RDX: variants seen among roughly 807,000 people sequenced by gnomAD.
RDX encodes deafness, autosomal recessive 24.
Under a neutral mutation model 83.7 loss-of-function variants are expected in RDX, and 32 were observed. That is an observed-to-expected ratio of 0.38 (90% CI 0.29 to 0.51). The LOEUF (loss-of-function observed/expected upper bound fraction) is 0.51. RDX is among the 20% of genes least tolerant of loss of function. The pLI is 0.87. For missense variants in RDX, 600 were observed against 689.9 expected, an observed-to-expected ratio of 0.87 and a Z score of 1.46; for synonymous variants, 229 against 222.7, an observed-to-expected ratio of 1.03 and a Z score of -0.25.
At chr11:110,203,753 CGGTT>C (rs968190942) in intron 14 of RDX, among the ~76,000 whole-genome samples, 6 of 152,020 alleles carry the variant, frequency 3.9e-5, no homozygotes, top group Non-Finnish European at 8.8e-5. Context: ...TACACACACA[CGGTT>C]GGTTACCTCA....
intron 15 of RDX, among the ~76,000 whole-genome samples, chr11:110,182,476 C>A (rs1381869647): frequency 1.3e-5 from 2 of 152,134 alleles, no homozygotes; most frequent in African/African-American, 4.8e-5. Context: ...TGGCACACAC[C>A]TGTAGTCCCA....
intron 15 of RDX, among the ~76,000 whole-genome samples, chr11:110,198,081 A>G (rs917969964): frequency 6.6e-6 from 1 of 152,210 alleles, no homozygotes; most frequent in African/African-American, 2.4e-5. Context: ...TGTCACATAA[A>G]TAAGTCTAAA....
intron 10 of RDX, among the ~76,000 whole-genome samples, chr11:110,240,627 C>T (rs1466845324): frequency 3.6e-4 from 55 of 151,548 alleles, no homozygotes; most frequent in African/African-American, 1.2e-3. Context: ...CGCCTGTAGT[C>T]CCAGCTACTC....
chr11:110,273,552 G>A (rs1860387576), intron 2 of RDX, among the ~76,000 whole-genome samples: 1 of 152,198 alleles, frequency 6.6e-6, no homozygotes, highest in South Asian at 2.1e-4. Flanking sequence ...GTAGCTAGGA[G>A]CACAGGCGTG....
intron 15 of RDX, among the ~76,000 whole-genome samples, chr11:110,194,095 A>G (rs1016901357): frequency 6.6e-6 from 1 of 152,234 alleles, no homozygotes; most frequent in Non-Finnish European, 1.5e-5. Flanking sequence ...TGATATATCT[A>G]TTAAAAGGTG....
rs1864915076 is a variant in RDX, at chr11:110,237,655, A to G, written c.1091-3T>C. ...TTTTCGAGTCTGTTCTTCTAGTTCT[A>G]TGAAATATGTGTATTCCCCCCAACA... On this transcript the variant is annotated splice_polypyrimidine_tract_variant and splice_region_variant and intron_variant, in intron 10 of 13. Transcript: ENST00000645495. The G allele has an allele frequency of 6.2e-7, 1 of 1,613,880 alleles. No individual in the cohort carries two copies. The highest frequency in any genetic ancestry group is 1.3e-5 in the African/African-American group (1 of 74,922).
At chr11:110,250,197 T>C (rs563584296) in intron 9 of RDX, among the ~76,000 whole-genome samples, 6 of 152,346 alleles carry the variant, frequency 3.9e-5, no homozygotes, top group Admixed American at 2.6e-4. Flanking sequence ...GCCCCCACAG[T>C]GGCTGCTGAC....
chr11:110,234,177 C>T (rs1160203199), intron 12 of RDX, among the ~76,000 whole-genome samples: 1 of 152,122 alleles, frequency 6.6e-6, no homozygotes, highest in Non-Finnish European at 1.5e-5. Flanking sequence ...AATTTGAATT[C>T]CCCAGGTTCT....
rs1421961319 is a variant in RDX at position 110,182,208 on chromosome 11, G to A, written c.*32-6974C>T. The stretch of plus-strand genomic sequence containing the variant: ...CGCAGTGCTGGGTGCCAAGGGAGAC[G>A]CGGAAGAGGTGGAGCTCCAGGAGGG... On this transcript the variant is annotated intron_variant, in intron 15 of 15. Coordinates refer to the RDX transcript ENST00000528498. Among the ~76,000 whole-genome samples the A allele has an allele frequency of 3.3e-5, 5 of 152,264 alleles. No homozygotes were observed. The South Asian group carries it at 6.2e-4, about 19-fold the overall frequency.
At chr11:110,289,776 G>A (rs866467326) in intron 1 of RDX, among the ~76,000 whole-genome samples, 9 of 151,528 alleles carry the variant, frequency 5.9e-5, no homozygotes, top group Middle Eastern at 3.4e-3. Context: ...AATTAGTCCC[G>A]TCTCTACTAA....
chr11:110,199,644 G>A (rs1016821813), exon 15 of RDX: 3 of 703,022 alleles, frequency 4.3e-6, no homozygotes, highest in Admixed American at 2.0e-5. Flanking sequence ...TGGCAAGAGC[G>A]CATCTGGAAC....
At chr11:110,202,019 A>C (rs1863428708) in intron 14 of RDX, among the ~76,000 whole-genome samples, 1 of 151,324 alleles carries the variant, frequency 6.6e-6, no homozygotes, top group African/African-American at 2.4e-5. Context: ...GACTTAGGTA[A>C]TCCGCCCGCC....
chr11:110,264,354 T>C, intron 4 of RDX, 120 bp from the exon 5 acceptor site: 1 of 710,992 alleles, frequency 1.4e-6, no homozygotes, highest in East Asian at 2.7e-5. Flanking sequence ...TCTATGAAGA[T>C]TTTAGTGTGT....
intron 10 of RDX, among the ~76,000 whole-genome samples, chr11:110,244,220 G>A (rs1865212401): frequency 2.0e-5 from 3 of 151,736 alleles, no homozygotes. Flanking sequence ...AAATTAGCTG[G>A]GTGTGGTGGT....
intron 1 of RDX, among the ~76,000 whole-genome samples, chr11:110,287,389 T>C (rs1861026682): frequency 6.6e-6 from 1 of 152,198 alleles, no homozygotes; most frequent in South Asian, 2.1e-4. Context: ...CAGTCTCTGG[T>C]ACTGTACTGC....
chr11:110,276,323 T>C (rs1013525884), intron 2 of RDX, among the ~76,000 whole-genome samples: 1 of 152,190 alleles, frequency 6.6e-6, no homozygotes, highest in Non-Finnish European at 1.5e-5. Flanking sequence ...ATCAAGTATC[T>C]GCATAAGTGT....
chr11:110,211,510 C>T (rs1221636141), intron 14 of RDX, among the ~76,000 whole-genome samples: 1 of 151,584 alleles, frequency 6.6e-6, no homozygotes, highest in Admixed American at 6.6e-5. Flanking sequence ...GAACTCTCCA[C>T]CCCAAATCAA....
At chr11:110,258,580 T>G (rs1859654439) in intron 5 of RDX, among the ~76,000 whole-genome samples, 1 of 152,036 alleles carries the variant, frequency 6.6e-6, no homozygotes, top group African/African-American at 2.4e-5. Flanking sequence ...CTCCATAAAG[T>G]GATTACAAAG....
chr11:110,244,580 G>A (rs920484509), intron 10 of RDX, among the ~76,000 whole-genome samples: 1 of 152,086 alleles, frequency 6.6e-6, no homozygotes, highest in Non-Finnish European at 1.5e-5. Flanking sequence ...AGAAATGGGA[G>A]TGACCGCTAA....
Sources: gnomAD v4.1 joint callset for allele counts (sites outside exome capture counted in the v4.1 genomes callset) on GRCh38, gnomAD v4.1.1 for gene constraint, MANE v1.5 for transcripts, NCBI Gene and HGNC (gene_info 2026-07-23, HGNC 2026-07-21) for gene names.